The following NRXN1 variants were observed in gnomAD, a reference collection of about 807,000 sequenced individuals.
NRXN1 encodes the protein neurexin-1.
Under a neutral mutation model 150.9 loss-of-function variants are expected in NRXN1, and 39 were observed. The observed-to-expected ratio is 0.26, with a 90% CI of 0.20 to 0.34. The LOEUF (loss-of-function observed/expected upper bound fraction) is 0.34. Ranked by LOEUF, NRXN1 falls within the 10% of genes least tolerant of loss-of-function variation. NRXN1 has a pLI of 1.00. For synonymous variants in NRXN1, 924 were observed against 757.0 expected, an observed-to-expected ratio of 1.22 and a Z score of -3.62; for missense variants, 1,815 against 1,949.9, an observed-to-expected ratio of 0.93 and a Z score of 1.30.
intron 17 of NRXN1, among the ~76,000 whole-genome samples, chr2:50,389,887 TGCTGGTTATACTTG>T (rs1338810756): frequency 1.3e-5 from 2 of 152,146 alleles, no homozygotes; most frequent in African/African-American, 4.8e-5. Flanking sequence ...AATACACCAT[TGCTGGTTATACTTG>T]GTGATGTTAT....
At chr2:50,659,516 C>T (rs1360959196) in intron 5 of NRXN1, among the ~76,000 whole-genome samples, 3 of 151,432 alleles carry the variant, frequency 2.0e-5, no homozygotes, top group Admixed American at 6.6e-5. Flanking sequence ...GGAATGAATC[C>T]TACTTAAAAA....
chr2:50,432,520 G>C (rs571787452), intron 17 of NRXN1, among the ~76,000 whole-genome samples: 1 of 152,230 alleles, frequency 6.6e-6, no homozygotes, highest in East Asian at 1.9e-4. Context: ...TGTTACTTAA[G>C]TATATTTATA....
intron 5 of NRXN1, among the ~76,000 whole-genome samples, chr2:50,851,226 A>T (rs1235191202): frequency 6.6e-6 from 1 of 152,028 alleles, no homozygotes. Flanking sequence ...TATTCCCCCC[A>T]AAAGTGGGGG....
intron 5 of NRXN1, among the ~76,000 whole-genome samples, chr2:50,801,528 G>C (rs1237074675): frequency 1.3e-5 from 2 of 152,028 alleles, no homozygotes; most frequent in African/African-American, 2.4e-5. Flanking sequence ...GAGGACTAAA[G>C]CATTCTATGC....
intron 17 of NRXN1, among the ~76,000 whole-genome samples, chr2:50,457,469 C>T (rs2087688580): frequency 6.6e-6 from 1 of 151,898 alleles, no homozygotes; most frequent in African/African-American, 2.4e-5. Flanking sequence ...CCATTTCAGC[C>T]CAAAGAAGTT....
At chr2:50,340,913 G>C (rs2077505694) in intron 17 of NRXN1, among the ~76,000 whole-genome samples, 1 of 152,166 alleles carries the variant, frequency 6.6e-6, no homozygotes, top group African/African-American at 2.4e-5. Flanking sequence ...GTAAAGGAAA[G>C]CTGGTTTTCT....
At chr2:50,310,860 A>T (rs1292920765) in intron 17 of NRXN1, among the ~76,000 whole-genome samples, 4 of 152,180 alleles carry the variant, frequency 2.6e-5, no homozygotes, top group Non-Finnish European at 5.9e-5. Flanking sequence ...ACCTTATAAG[A>T]CTGCATTTAT....
chr2:50,769,839 T>C (rs1469294903), intron 5 of NRXN1, among the ~76,000 whole-genome samples: 1 of 152,096 alleles, frequency 6.6e-6, no homozygotes, highest in Admixed American at 6.6e-5. Flanking sequence ...ACTGACAGCC[T>C]AGACAAAATA....
At chr2:50,291,241 G>GTTTC (rs140598866) in intron 17 of NRXN1, among the ~76,000 whole-genome samples, 10,124 of 151,820 alleles carry the variant, frequency 0.067, 1,129 homozygotes, top group African/African-American at 0.23. Context: ...AAATAACCTG[G>GTTTC]TTTATTTTTT....
chr2:50,815,760 T>G (rs1482198105), intron 5 of NRXN1, among the ~76,000 whole-genome samples: 2 of 152,196 alleles, frequency 1.3e-5, no homozygotes, highest in Non-Finnish European at 2.9e-5. Context: ...CTGGTCTTCA[T>G]AGAAAAGCAT....
At chr2:49,948,203 AG>A (rs1250424133) in intron 21 of NRXN1, among the ~76,000 whole-genome samples, 1 of 152,096 alleles carries the variant, frequency 6.6e-6, no homozygotes, top group Non-Finnish European at 1.5e-5. Context: ...TGTTTCATGC[AG>A]ACTAAATTAT....
chr2:50,311,710 T>C (rs2075197949), intron 17 of NRXN1, among the ~76,000 whole-genome samples: 1 of 152,174 alleles, frequency 6.6e-6, no homozygotes, highest in South Asian at 2.1e-4. Flanking sequence ...AATCACTTTA[T>C]ATAAAAAGTA....
chr2:50,881,457 T>C (rs562635109), intron 5 of NRXN1, among the ~76,000 whole-genome samples: 3 of 151,968 alleles, frequency 2.0e-5, no homozygotes, highest in African/African-American at 4.8e-5. Flanking sequence ...TGGTTGACAA[T>C]TTCTACTTTT....
intron 18 of NRXN1, among the ~76,000 whole-genome samples, chr2:50,100,678 G>T (rs1415616653): frequency 2.0e-5 from 3 of 151,966 alleles, no homozygotes; most frequent in Non-Finnish European, 2.9e-5. Context: ...GCATACGTTT[G>T]CAGATATCAC....
intron 5 of NRXN1, among the ~76,000 whole-genome samples, chr2:50,658,500 T>A (rs1227279251): frequency 6.6e-6 from 1 of 151,618 alleles, no homozygotes; most frequent in South Asian, 2.1e-4. Flanking sequence ...TTATTTCACA[T>A]GTCTTCTAGA....
At chr2:50,456,926 A>C (rs1322709785) in intron 17 of NRXN1, among the ~76,000 whole-genome samples, 2 of 152,172 alleles carry the variant, frequency 1.3e-5, no homozygotes, top group African/African-American at 4.8e-5. Flanking sequence ...TTTGGTGCAC[A>C]TTCATTGGTC....
chr2:50,024,465 T>C (rs1198562500), intron 21 of NRXN1, among the ~76,000 whole-genome samples: 7 of 152,210 alleles, frequency 4.6e-5, no homozygotes, highest in African/African-American at 1.7e-4. Context: ...ATATGTGCTA[T>C]CTTATAGGAG....
chr2:50,916,629 T>C (rs930372081), intron 5 of NRXN1, among the ~76,000 whole-genome samples: 2 of 151,694 alleles, frequency 1.3e-5, no homozygotes, highest in African/African-American at 4.8e-5. Context: ...TCTAAGTTTC[T>C]ATTCATACCA....
chr2:50,966,856 G>A (rs7608611), intron 2 of NRXN1, among the ~76,000 whole-genome samples: 79,805 of 151,612 alleles, frequency 0.53, 21,804 homozygotes, highest in Non-Finnish European at 0.62. Context: ...TTTAAAAAGT[G>A]AACAACAAGA....
Sources: allele counts gnomAD v4.1 joint callset (sites outside exome capture counted in the v4.1 genomes callset), GRCh38; gene constraint gnomAD v4.1.1; transcripts MANE v1.5; gene names NCBI Gene and HGNC (gene_info 2026-07-23, HGNC 2026-07-21).